The following PLCH1 variants were observed in gnomAD, a reference collection of about 807,000 sequenced individuals.
The protein encoded by PLCH1 is 1-phosphatidylinositol 4,5-bisphosphate phosphodiesterase eta-1.
Under a neutral mutation model 126.7 loss-of-function variants are expected in PLCH1, and 60 were observed. The ratio of observed to expected loss-of-function variants is 0.47; its 90% CI spans 0.38 to 0.59. The LOEUF is 0.59. Among genes scored for constraint, PLCH1 ranks in the 20% least tolerant of loss-of-function variants. The pLI is 0.00. For synonymous variants in PLCH1, 719 were observed against 734.9 expected, an observed-to-expected ratio of 0.98 and a Z score of 0.35; for missense variants, 1,723 against 2,040.0, an observed-to-expected ratio of 0.84 and a Z score of 2.99.
intron 1 of PLCH1, among the ~76,000 whole-genome samples, chr3:155,721,488 A>G (rs1281865924): frequency 6.6e-6 from 1 of 151,822 alleles, no homozygotes; most frequent in Non-Finnish European, 1.5e-5. Context: ...ACAGGGGTTG[A>G]GTTCTTGATT....
chr3:155,486,082 A>C, intron 21 of PLCH1: 1 of 989,976 alleles, frequency 1.0e-6, no homozygotes, highest in Non-Finnish European at 1.5e-6. Flanking sequence ...ATGAAAAAGC[A>C]TGCTGCCATA....
intron 15 of PLCH1, 89 bp from the exon 16 acceptor site, chr3:155,494,606 T>C: frequency 9.5e-7 from 1 of 1,050,122 alleles, no homozygotes; most frequent in East Asian, 2.4e-5. Flanking sequence ...TGTCAGATTA[T>C]ACCAATAGCA....
At chr3:155,737,243 A>AAAAAAAAAAAAAAAAAAC (rs1749265381) in intron 1 of PLCH1, among the ~76,000 whole-genome samples, 1 of 150,204 alleles carries the variant, frequency 6.7e-6, no homozygotes, top group African/African-American at 2.5e-5. Context: ...AAAAAAAAAA[A>AAAAAAAAAAAAAAAAAAC]AAAAAAGAGT....
At chr3:155,689,896 G>T (rs945400200) in intron 2 of PLCH1, among the ~76,000 whole-genome samples, 1 of 151,800 alleles carries the variant, frequency 6.6e-6, no homozygotes, top group African/African-American at 2.4e-5. Context: ...CCTAAACCTA[G>T]GAAAAGATAT....
At chr3:155,736,686 C>T (rs1422359543) in intron 1 of PLCH1, among the ~76,000 whole-genome samples, 1 of 152,082 alleles carries the variant, frequency 6.6e-6, no homozygotes, top group African/African-American at 2.4e-5. Context: ...ATCCAGAAGA[C>T]CTTAGAGAAC....
chr3:155,498,164 T>C (rs976520524), intron 14 of PLCH1, among the ~76,000 whole-genome samples: 1 of 152,206 alleles, frequency 6.6e-6, no homozygotes, highest in Non-Finnish European at 1.5e-5. Context: ...TGACTGACTG[T>C]GGAGTGGAGG....
At chr3:155,476,151 T>C (rs1713536323), downstream of PLCH1, among the ~76,000 whole-genome samples, 1 of 152,116 alleles carries the variant, frequency 6.6e-6, no homozygotes, top group South Asian at 2.1e-4. Flanking sequence ...TGGTCCAACA[T>C]ATGCAAATCA....
intron 6 of PLCH1, among the ~76,000 whole-genome samples, chr3:155,568,754 C>CTGTGTGTGTGTGTGTGTG (rs3068946): frequency 0.017 from 2,576 of 147,226 alleles, 44 homozygotes; most frequent in African/African-American, 0.042. Context: ...AAATGTACCT[C>CTGTGTGTGTGTGTGTGTG]TGTGTGTGTG....
At chr3:155,625,444 G>A (rs1298227680) in intron 2 of PLCH1, among the ~76,000 whole-genome samples, 1 of 152,098 alleles carries the variant, frequency 6.6e-6, no homozygotes, top group Admixed American at 6.6e-5. Context: ...ACTATCATCA[G>A]AATGAACAAG....
Position 155,482,687 on chromosome 3 carries a change from G to A in PLCH1, c.3339C>T (p.Ser1113=). 1 of 1,614,198 alleles carries A rather than the reference G, an allele frequency of 6.2e-7. No homozygotes were observed. Among genetic ancestry groups the A allele is most frequent in the South Asian group, 1.1e-5 (1 of 91,088 alleles). ...GNPEDFVEGK[S]ILSGSVLSHS... ...GAGAAAGGACGCTTCCTGACAAGATGCTTTTCCCTTCCACAAAGTCCTCAG... is the reference window on the plus strand; with the variant it reads ...GAGAAAGGACGCTTCCTGACAAGATACTTTTCCCTTCCACAAAGTCCTCAG... The change falls in exon 23 of 23, where the codon AGC becomes AGT. Residue 1113 remains serine, a synonymous_variant. Coordinates refer to ENST00000460012, the MANE Select transcript of PLCH1 (RefSeq NM_014996.4).
intron 21 of PLCH1, among the ~76,000 whole-genome samples, chr3:155,473,226 C>G (rs1177127560): frequency 6.6e-6 from 1 of 151,070 alleles, no homozygotes; most frequent in African/African-American, 2.4e-5. Context: ...GCAACTTCAG[C>G]AAAGTCTCAG....
intron 2 of PLCH1, among the ~76,000 whole-genome samples, chr3:155,649,569 AT>A (rs1740470159): frequency 6.6e-6 from 1 of 152,114 alleles, no homozygotes; most frequent in Non-Finnish European, 1.5e-5. Context: ...GTTCCCCCCC[AT>A]ATCACACAGC....
intron 2 of PLCH1, among the ~76,000 whole-genome samples, chr3:155,679,238 T>G (rs1484888546): frequency 6.6e-6 from 1 of 152,228 alleles, no homozygotes; most frequent in Non-Finnish European, 1.5e-5. Flanking sequence ...GCTAAATATT[T>G]TCTGTATTTT....
chr3:155,553,757 C>A (rs1447125925), intron 9 of PLCH1, among the ~76,000 whole-genome samples: 1 of 152,132 alleles, frequency 6.6e-6, no homozygotes, highest in Non-Finnish European at 1.5e-5. Context: ...ATTATGTACA[C>A]AGTAACCTAT....
chr3:155,500,617 T>C (rs1176900726), intron 14 of PLCH1, 86 bp downstream of exon 14: 1 of 796,316 alleles, frequency 1.3e-6, no homozygotes, highest in African/African-American at 1.7e-5. Context: ...TCCAATTCTC[T>C]AGACATGTAC....
chr3:155,455,197 G>T (rs367801812), intron 21 of PLCH1, among the ~76,000 whole-genome samples: 3 of 152,148 alleles, frequency 2.0e-5, no homozygotes, highest in East Asian at 3.8e-4. Context: ...GGAAGGGAAG[G>T]GGGTGGTGAG....
chr3:155,583,508 C>T lies in PLCH1; in HGVS notation c.735G>A (p.Val245=), dbSNP rs1730968763. The change falls in exon 6 of 23, where the codon GTG becomes GTA. Residue 245 remains valine, a synonymous_variant. Coordinates refer to ENST00000460012, the MANE Select transcript of PLCH1 (RefSeq NM_014996.4). ...CCTTCAAAAACTGAGCCAGTTCTTC[C>T]ACAGTTAGGTGATCTTTCTTGTCAC... The part of the protein sequence containing the change: ...SYSDKKDHLT[V]EELAQFLKVE... The T allele has an allele frequency of 1.9e-6, 3 of 1,605,990 alleles. No homozygotes were observed. Among genetic ancestry groups the T allele is most frequent in the Non-Finnish European group, 2.5e-6 (3 of 1,177,476 alleles).
At chr3:155,512,121 G>GC (rs1719650812) in intron 12 of PLCH1, among the ~76,000 whole-genome samples, 1 of 150,726 alleles carries the variant, frequency 6.6e-6, no homozygotes, top group African/African-American at 2.4e-5. Flanking sequence ...TTTTCCAGGT[G>GC]CGTCCGTCAC....
chr3:155,525,980 G>C (rs1248446701), intron 10 of PLCH1, among the ~76,000 whole-genome samples: 4 of 152,192 alleles, frequency 2.6e-5, no homozygotes, highest in Non-Finnish European at 5.9e-5. Flanking sequence ...AGGACAGCAG[G>C]GGGTAAGGCC....
Sources: gnomAD v4.1 joint callset for allele counts (sites outside exome capture counted in the v4.1 genomes callset) on GRCh38, gnomAD v4.1.1 for gene constraint, MANE v1.5 for transcripts, NCBI Gene and HGNC (gene_info 2026-07-23, HGNC 2026-07-21) for gene names.